The following HECTD4 variants were observed in gnomAD, a reference collection of about 807,000 sequenced individuals.
HECTD4 encodes probable E3 ubiquitin-protein ligase HECTD4.
In HECTD4, 114 loss-of-function variants were observed where a neutral mutation model predicts 471.5. That is an observed-to-expected ratio of 0.24 (90% confidence interval 0.21 to 0.28). The LOEUF (loss-of-function observed/expected upper bound fraction) is 0.28, where lower values mean the gene tolerates loss of function less well. HECTD4 is among the 10% of genes least tolerant of loss of function. The pLI is 1.00. For synonymous variants in HECTD4, 2,012 were observed against 2,256.0 expected, an observed-to-expected ratio of 0.89 and a Z score of 3.07; for missense variants, 3,866 against 5,651.5, an observed-to-expected ratio of 0.68 and a Z score of 10.13.
chr12:112,358,513 T>G (rs2036387163), intron 1 of HECTD4, among the ~76,000 whole-genome samples: 1 of 152,144 alleles, frequency 6.6e-6, no homozygotes, highest in African/African-American at 2.4e-5. Flanking sequence ...AAAAATATCC[T>G]TACACATATT....
rs1192849802 is a variant in HECTD4, at chr12:112,235,799, AGAAAAGGTACACAGTGCTAGAAATGTT to A, written c.5445-42_5445-16del. On this transcript the variant is annotated splice_polypyrimidine_tract_variant and intron_variant, in intron 35 of 75. Transcript: ENST00000682272. The surrounding 1 kb of genome is among the most constrained non-coding windows in gnomAD (Gnocchi z 5.0). ...CTATGTGGCTCCTGGGAAAAAAGGA[AGAAAAGGTACACAGTGCTAGAAATGTT>A]GATCTATAGACATTCAGAAGCAAGA... is the stretch of plus-strand genomic sequence containing the variant. 6.2e-7 allele frequency: 1 copy of A among 1,602,540 alleles called. No homozygotes were observed. The highest frequency in any genetic ancestry group is 8.5e-7 in the Non-Finnish European group (1 of 1,174,422).
At chr12:112,349,245 C>T (rs1413902048) in intron 1 of HECTD4, among the ~76,000 whole-genome samples, 2 of 151,702 alleles carry the variant, frequency 1.3e-5, no homozygotes, top group Non-Finnish European at 2.9e-5. Flanking sequence ...AAAACTTAGC[C>T]GGGTGTGGTA....
chr12:112,367,442 A>G (rs2036585625), intron 1 of HECTD4, among the ~76,000 whole-genome samples: 2 of 152,210 alleles, frequency 1.3e-5, no homozygotes, highest in South Asian at 4.1e-4. Context: ...CATGAATTCT[A>G]TTCATGGATC....
Position 112,167,831 on chromosome 12 carries a change from C to T in HECTD4, c.12295G>A (p.Ala4099Thr). The change falls in exon 71 of 76, where the codon GCT becomes ACT. Residue 4099 changes from alanine (A) to threonine (T), a missense_variant. Ala to Thr is a moderately conservative substitution (Grantham distance 58). Around this residue, in one of 16 missense-constraint regions of HECTD4, gnomAD observed 715 missense variants for 1,087.6 expected, o/e 0.66. Coordinates refer to ENST00000682272, the MANE Select transcript of HECTD4 (RefSeq NM_001388303.1). ...CTGCCTACCTTGTTCTTATTGACAG[C>T]TGAGCTGGGGCACAGCAGCAGCAGC... ...LSLLLLCPSS[A>T]VNKNKGKYIL... 6.2e-7 allele frequency: 1 copy of T among 1,613,690 alleles called. No homozygotes were observed. The highest frequency in any genetic ancestry group is 8.5e-7 in the Non-Finnish European group (1 of 1,179,798).
chr12:112,275,402 C>A (rs760294401), intron 9 of HECTD4, among the ~76,000 whole-genome samples: 1 of 152,092 alleles, frequency 6.6e-6, no homozygotes, highest in African/African-American at 2.4e-5. Context: ...TTGGACACAC[C>A]CTGGCTTTTT....
intron 2 of HECTD4, among the ~76,000 whole-genome samples, chr12:112,316,606 C>A (rs1369542388): frequency 2.0e-5 from 3 of 151,994 alleles, no homozygotes; most frequent in Admixed American, 1.3e-4. Flanking sequence ...AGGTAAGAAA[C>A]CTAGAATCAC....
intron 1 of HECTD4, among the ~76,000 whole-genome samples, chr12:112,346,533 T>C (rs1470893546): frequency 2.0e-5 from 3 of 152,218 alleles, no homozygotes; most frequent in African/African-American, 7.2e-5. Context: ...CATTGCAAGA[T>C]GAGCTATTTA....
chr12:112,198,209 C>T (rs1467224937), intron 55 of HECTD4, among the ~76,000 whole-genome samples: 4 of 152,204 alleles, frequency 2.6e-5, no homozygotes, highest in Admixed American at 1.3e-4. Flanking sequence ...CATTAAAATA[C>T]TGTAGTTTCC....
At chr12:112,293,421 A>G (rs1320010004) in intron 7 of HECTD4, among the ~76,000 whole-genome samples, 1 of 151,828 alleles carries the variant, frequency 6.6e-6, no homozygotes, top group African/African-American at 2.4e-5. Flanking sequence ...TTGCGCCTGT[A>G]ATCTCAGCCA....
intron 28 of HECTD4, among the ~76,000 whole-genome samples, 152 bp downstream of exon 28, chr12:112,247,310 C>T (rs2033784741): frequency 6.6e-6 from 1 of 152,166 alleles, no homozygotes; most frequent in Non-Finnish European, 1.5e-5. Context: ...AAGGCTAAAA[C>T]CAAAATTTCC....
chr12:112,235,452 G>A lies in HECTD4; in HGVS notation c.5725+52C>T. On this transcript the variant is annotated intron_variant, in intron 36 of 75. Transcript: ENST00000682272. The surrounding 1 kb of genome is among the most constrained non-coding windows in gnomAD (Gnocchi z 5.0). ...CACAGATGCAAGGGGGACCTGACTG[G>A]GCACAGGAATGCTGCACTGCCATGC... 1.3e-6 allele frequency: 2 copies of A among 1,550,102 alleles called. No individual in the cohort carries two copies. The highest frequency in any genetic ancestry group is 1.7e-6 in the Non-Finnish European group (2 of 1,148,192).
In HECTD4 at chr12:112,187,267, C is replaced by T. The variant is rs148175260; in HGVS notation, c.9473-1774G>A. On this transcript the variant is annotated intron_variant, in intron 60 of 75. Transcript: ENST00000682272. ...CTGGGATTATAGGTGTGAGCCACTG[C>T]GCCTGGCCGGCTGGCATAGCCTTAA... Among the ~76,000 whole-genome samples, 710 of 151,968 alleles carry T rather than the reference C, an allele frequency of 4.7e-3. 7 individuals carry two copies. The highest frequency in any genetic ancestry group is 0.016 in the African/African-American group (649 of 41,440).
intron 1 of HECTD4, among the ~76,000 whole-genome samples, chr12:112,335,194 C>T (rs1364909688): frequency 1.5e-5 from 2 of 131,622 alleles, no homozygotes; most frequent in African/African-American, 3.3e-5. Context: ...GAATACTACT[C>T]AGCCATAAAA....
At chr12:112,208,043 G>C in intron 51 of HECTD4, 43 bp from the exon 52 acceptor site, 2 of 1,595,186 alleles carry the variant, frequency 1.3e-6, no homozygotes, top group East Asian at 2.2e-5. Context: ...GGAATATCTG[G>C]TGCAGGCATC....
intron 65 of HECTD4, 133 bp from the exon 66 acceptor site, chr12:112,175,992 CTG>C (rs1166076835): frequency 2.5e-6 from 3 of 1,197,466 alleles, no homozygotes; most frequent in Non-Finnish European, 3.5e-6. Context: ...TCCCGTAACT[CTG>C]GGAATTGTCA....
rs539296899 is a variant in HECTD4 at position 112,225,005 on chromosome 12, G to A, written c.6970+1638C>T. On this transcript the variant is annotated intron_variant, in intron 44 of 75. Transcript: ENST00000682272. The stretch of plus-strand genomic sequence containing the variant: ...TAAGGACCTACTAAGAGTACAAAAC[G>A]AAGTCACAAGTAATTTCACCCTTGA... Among the ~76,000 whole-genome samples the A allele has an allele frequency of 7.2e-5, 11 of 152,166 alleles. No individual in the cohort carries two copies. The South Asian group carries it at 1.5e-3, about 20-fold the overall frequency.
chr12:112,295,564 T>C (rs1440293613), intron 7 of HECTD4, among the ~76,000 whole-genome samples: 2 of 150,788 alleles, frequency 1.3e-5, no homozygotes, highest in Non-Finnish European at 3.0e-5. Flanking sequence ...CATCTTGAAC[T>C]CCTGGCTTCA....
chr12:112,372,451 C>T (rs931017307), intron 1 of HECTD4, among the ~76,000 whole-genome samples: 4 of 151,338 alleles, frequency 2.6e-5, no homozygotes, highest in Admixed American at 6.6e-5. Flanking sequence ...TTAGTAGAGA[C>T]GGGGTTTCAC....
intron 65 of HECTD4, among the ~76,000 whole-genome samples, chr12:112,176,363 A>G (rs1165490203): frequency 1.3e-5 from 2 of 152,178 alleles, no homozygotes; most frequent in East Asian, 3.8e-4. Flanking sequence ...TACTTCCTCA[A>G]GTTCATGGTC....
Sources: gnomAD v4.1 joint callset for allele counts (sites outside exome capture counted in the v4.1 genomes callset) on GRCh38, gnomAD v4.1.1 for gene constraint, gnomAD v4.1.1 regional missense constraint, Gnocchi (gnomAD v3.1) non-coding constraint, MANE v1.5 for transcripts, NCBI Gene and HGNC (gene_info 2026-07-23, HGNC 2026-07-21) for gene names.